The following TTN variants were observed in gnomAD, a reference collection of about 807,000 sequenced individuals.
TTN encodes titin.
A neutral mutation model predicts 3,223.0 loss-of-function variants in TTN; 1,525 were observed. That is an observed-to-expected ratio of 0.47 (90% CI 0.45 to 0.49). TTN has a LOEUF of 0.49. Among genes scored for constraint, TTN ranks in the 20% least tolerant of loss-of-function variants. TTN has a pLI of 0.00. For missense variants in TTN, 40,786 were observed against 43,424.0 expected, an observed-to-expected ratio of 0.94 and a Z score of 5.40; for synonymous variants, 14,094 against 15,161.0, an observed-to-expected ratio of 0.93 and a Z score of 5.17.
intron 37 of TTN, 93 bp downstream of exon 37, chr2:178,769,586 A>G: frequency 8.7e-7 from 1 of 1,148,348 alleles, no homozygotes; most frequent in Non-Finnish European, 1.1e-6. Context: ...TTGAGTGGTC[A>G]GCAAAGTGTA....
rs1372771873 is a variant in TTN at position 178,613,751 on chromosome 2, C to T, written c.49532G>A (p.Arg16511Lys). ...ATCTTGATGGGGATTCTGAGCATAC[C>T]TGTATGTTGTGTCCTTTACTGGCAT... Reference protein sequence around the residue: ...NKMPVKDTTYRVKGLTNKKKY... With the variant: ...NKMPVKDTTYKVKGLTNKKKY... Residue 16511 changes from arginine (R) to lysine (K), a missense_variant and splice_region_variant, in exon 263 of 363, where the codon AGA becomes AAA. By Grantham distance (26) the Arg-to-Lys change is conservative. Coordinates refer to ENST00000589042, the MANE Select transcript of TTN (RefSeq NM_001267550.2). 1 of 1,611,674 alleles carries T rather than the reference C, an allele frequency of 6.2e-7. No homozygotes were observed. The highest frequency in any genetic ancestry group is 1.1e-5 in the South Asian group (1 of 90,888).
chr2:178,553,110 C>G lies in TTN; in HGVS notation c.89790G>C (p.Val29930=). ...EPKSSTVSVK[V]LDTPAACQKL... ...TCTGGCAGGCAGCTGGTGTGTCAAG[C>G]ACTTTAACACTCACAGTTGAAGACT... Residue 29930 remains valine (V), a synonymous_variant, in exon 335 of 363, where the codon GTG becomes GTC. Transcript: ENST00000589042. 6.2e-7 allele frequency: 1 copy of G among 1,610,900 alleles called. No individual in the cohort carries two copies. The highest frequency in any genetic ancestry group is 8.5e-7 in the Non-Finnish European group (1 of 1,177,644).
Position 178,573,984 on chromosome 2 carries a change from C to T in TTN, c.72148G>A (p.Glu24050Lys). Residue 24050 changes from glutamate to lysine, a missense_variant, in exon 326 of 363, where the codon GAA becomes AAA. Physicochemically the swap from Glu to Lys is moderately conservative, Grantham distance 56. Transcript: ENST00000589042. Reference protein sequence around the residue: ...ILKAGEAFRLEADVSGRPPPT... With the variant: ...ILKAGEAFRLKADVSGRPPPT... ...GGTGGGCGGCCTGAAACATCAGCTTCCAGTCTGAATGCTTCACCTGCTTTT... is the reference window on the plus strand; with the variant it reads ...GGTGGGCGGCCTGAAACATCAGCTTTCAGTCTGAATGCTTCACCTGCTTTT... The T allele has an allele frequency of 6.2e-7, 1 of 1,613,396 alleles. No homozygotes were observed. The highest frequency in any genetic ancestry group is 2.2e-5 in the East Asian group (1 of 44,698).
In TTN at chr2:178,647,580, G is replaced by GA. The variant is rs2154246251; in HGVS notation, c.40058-117_40058-116insT. On this transcript the variant is annotated intron_variant, in intron 213 of 362. Coordinates refer to ENST00000589042, the MANE Select transcript of TTN (RefSeq NM_001267550.2). ...TCATCTTAGATTTCATGGGGAAAAT[G>GA]GCTTCTGAGACATGGCACCATTTTG... 4.2e-6 allele frequency: 4 copies of GA among 957,648 alleles called. No individual in the cohort carries two copies. The East Asian group carries it at 1.1e-4, about 25-fold the overall frequency. 59.3% of individuals were successfully genotyped at this position (957,648 alleles called of 1,614,324 possible). A position where few individuals can be genotyped will look rare whatever the true frequency, so the allele number is the denominator to read the frequency against.
rs370438618 is a variant in TTN, at chr2:178,775,034, C to T, written c.6677G>A (p.Arg2226Lys). Reference sequence around the variant, plus strand: ...CAGTATGGAGAGGAAGTGAACCTTTCTGTCAGAGTGCATCCTGTATTTATC... The same window carrying T: ...CAGTATGGAGAGGAAGTGAACCTTTTTGTCAGAGTGCATCCTGTATTTATC... ...EGDKYRMHSD[R>K]KVHFLSILTI... is the part of the protein sequence containing the mutation. Residue 2226 changes from arginine (R) to lysine (K), a missense_variant, in exon 29 of 363, where the codon AGA becomes AAA. Arg to Lys is a conservative substitution (Grantham distance 26, BLOSUM62 2). Coordinates refer to ENST00000589042, the MANE Select transcript of TTN (RefSeq NM_001267550.2). 7.4e-6 allele frequency: 12 copies of T among 1,613,892 alleles called. No homozygotes were observed. Among genetic ancestry groups the T allele is most frequent in the Non-Finnish European group, 9.3e-6 (11 of 1,179,956 alleles).
At chr2:178,743,009 A>G (rs999525911) in intron 47 of TTN, 3 of 152,054 alleles carry the variant, frequency 2.0e-5, no homozygotes, top group African/African-American at 7.2e-5. Flanking sequence ...ACCATTGATA[A>G]TTTTACATAT....
chr2:178,583,220 G>T lies in TTN; in HGVS notation c.65583C>A (p.Pro21861=). ...PVTILAENVP[P]RIDLSVAMKS... is the part of the protein sequence containing the mutation. The stretch of plus-strand genomic sequence containing the variant: ...TCATAGCCACACTCAGGTCTATCCT[G>T]GGAGGGACTGGAAAGAAATAAGATA... The change falls in exon 313 of 363, where the codon CCC becomes CCA. Residue 21861 remains proline (P), a synonymous_variant. Transcript: ENST00000589042. 6.3e-7 allele frequency: 1 copy of T among 1,578,610 alleles called. No homozygotes were observed. The highest frequency in any genetic ancestry group is 1.2e-5 in the South Asian group (1 of 84,858).
In TTN at chr2:178,557,236, C is replaced by A. The variant is rs886924383; in HGVS notation, c.88009+17G>T. On this transcript the variant is annotated intron_variant, in intron 329 of 362. Transcript: ENST00000589042. The stretch of plus-strand genomic sequence containing the variant: ...ATTTTTGTTATCAGAACTGCCCTTC[C>A]CATGACAAATACGTACCACAAGCAT... 4 of 1,613,558 alleles carry A rather than the reference C, an allele frequency of 2.5e-6. No individual in the cohort carries two copies. The African/African-American group carries it at 5.3e-5, about 22-fold the overall frequency.
intron 12 of TTN, among the ~76,000 whole-genome samples, 179 bp from the exon 13 acceptor site, chr2:178,789,676 T>C (rs1324812958): frequency 6.6e-6 from 1 of 152,124 alleles, no homozygotes; most frequent in Non-Finnish European, 1.5e-5. Context: ...AACTTAGAAA[T>C]GTTAGCTATT....
Position 178,713,307 on chromosome 2 carries a change from C to T in TTN, c.26827G>A (p.Val8943Ile), listed in dbSNP as rs529187709. The T allele has an allele frequency of 6.7e-5, 107 of 1,592,976 alleles. 2 individuals carry two copies. In the South Asian group the frequency reaches 9.4e-4, roughly 14 times the overall value. The change falls in exon 93 of 363, where the codon GTT becomes ATT. Residue 8943 changes from valine to isoleucine, a missense_variant. By Grantham distance (29) the Val-to-Ile change is conservative. Coordinates refer to ENST00000589042, the MANE Select transcript of TTN (RefSeq NM_001267550.2). Reference sequence around the variant, plus strand: ...CCATAGACTTTACACTCCATTACAACTGAGGAGCCGGATAGACCATTTGTC... The same window carrying T: ...CCATAGACTTTACACTCCATTACAATTGAGGAGCCGGATAGACCATTTGTC... ...KETNGLSGSS[V>I]VMECKVYGSP...
At position 178,633,267 on chromosome 2, in the gene TTN, C is replaced by T. The variant is rs2060026775; in HGVS notation, c.43006G>A (p.Ala14336Thr). 2.5e-6 allele frequency: 4 copies of T among 1,613,352 alleles called. No individual in the cohort carries two copies. The East Asian group carries it at 8.9e-5, about 36-fold the overall frequency. ...YGVEVFVGET[A>T]HFEIELSEPD... is the part of the protein sequence containing the mutation. Reference sequence around the variant, plus strand: ...TCAGAAAGTTCAATTTCAAAGTGGGCTGTTTCACCAACAAACACCTCTACT... The same window carrying T: ...TCAGAAAGTTCAATTTCAAAGTGGGTTGTTTCACCAACAAACACCTCTACT... The change falls in exon 233 of 363, where the codon GCC (alanine) becomes ACC (threonine). Residue 14336 changes from alanine (A) to threonine (T), a missense_variant. Transcript: ENST00000589042.
In TTN at chr2:178,547,645, G is replaced by T. The variant is rs370894846; in HGVS notation, c.93981C>A (p.Val31327=). The T allele has an allele frequency of 6.2e-7, 1 of 1,613,824 alleles. No homozygotes were observed. The highest frequency in any genetic ancestry group is 8.5e-7 in the Non-Finnish European group (1 of 1,179,814). ...CATCTTTAGGTTCTCCCCATGACAGGACACACGATTCAGCTGAGACAGATG... is the reference window on the plus strand; with the variant it reads ...CATCTTTAGGTTCTCCCCATGACAGTACACACGATTCAGCTGAGACAGATG... ...EVSSVSAESC[V]LSWGEPKDGG... The change falls in exon 339 of 363, where the codon GTC becomes GTA. Residue 31327 remains valine, a synonymous_variant. Transcript: ENST00000589042.
Position 178,727,679 on chromosome 2 carries a change from GAGATT to G in TTN, c.19894_19898del (p.Asn6632LeufsTer7). ...CAGTCTTAGAAGCATCCACTGAGTA[GAGATT>G]TAAGAAGCTAGTCGACCCTTCCAAG... is the stretch of plus-strand genomic sequence containing the variant. On this transcript the variant is annotated frameshift_variant, in exon 68 of 363. Coordinates refer to ENST00000589042, the MANE Select transcript of TTN (RefSeq NM_001267550.2). LOFTEE classifies it high-confidence loss of function. The G allele has an allele frequency of 6.2e-7, 1 of 1,613,206 alleles. No homozygotes were observed. Among genetic ancestry groups the G allele is most frequent in the Non-Finnish European group, 8.5e-7 (1 of 1,179,390 alleles).
At position 178,721,103 on chromosome 2, in the gene TTN, T is replaced by A. The variant is rs1413635050; in HGVS notation, c.22916A>T (p.Lys7639Ile). ...ECKISGSPEIKVSWFRNDSEL... is the reference protein window; with the variant it reads ...ECKISGSPEIIVSWFRNDSEL... ...GCTGTCATTTCGGAACCATGAAACT[T>A]TGATTTCTGGGGAGCCACTTATTTT... Residue 7639 changes from lysine (K) to isoleucine (I), a missense_variant, in exon 79 of 363, where the codon AAA becomes ATA. Physicochemically the swap from Lys to Ile is moderately radical, Grantham distance 102. Transcript: ENST00000589042. 17 of 1,613,246 alleles carry A rather than the reference T, an allele frequency of 1.1e-5. No homozygotes were observed. The highest frequency in any genetic ancestry group is 1.3e-5 in the African/African-American group (1 of 74,914).
At position 178,608,282 on chromosome 2, in the gene TTN, A is replaced by T. The variant is rs1559746821; in HGVS notation, c.52601T>A (p.Leu17534Ter). The T allele has an allele frequency of 6.2e-7, 1 of 1,612,082 alleles. No individual in the cohort carries two copies. The highest frequency in any genetic ancestry group is 1.3e-5 in the African/African-American group (1 of 74,964). ...GAAGACATAGGTGAGTCCTTCTAAT[A>T]AGCCATCTACATTGGCTTTCAAGGC... is the stretch of plus-strand genomic sequence containing the variant. The part of the protein sequence containing the change: ...LNALKANVDG[L>*]LEGLTYVFRV... The change falls in exon 275 of 363, where the codon TTA (leucine) becomes TAA (stop). Residue 17534 changes from leucine (L) to a stop codon, truncating the protein, a stop_gained. Transcript: ENST00000589042. LOFTEE classifies it high-confidence loss of function.
At position 178,561,352 on chromosome 2, in the gene TTN, T is replaced by C. The variant is rs370547473; in HGVS notation, c.84780A>G (p.Glu28260=). The C allele has an allele frequency of 6.2e-7, 1 of 1,613,854 alleles. No individual in the cohort carries two copies. Among genetic ancestry groups the C allele is most frequent in the South Asian group, 1.1e-5 (1 of 91,088 alleles). ...CTGATTTTCTTGTGATATTTGTGAC[T>C]TCAGGTTGTCCAGGAGGGTCACAAG... ...RDPCDPPGQP[E]VTNITRKSVS... is the part of the protein sequence containing the mutation. Residue 28260 remains glutamate, a synonymous_variant, in exon 326 of 363, where the codon GAA becomes GAG. Coordinates refer to ENST00000589042, the MANE Select transcript of TTN (RefSeq NM_001267550.2).
chr2:178,733,212 G>A, intron 54 of TTN, 27 bp downstream of exon 54: 1 of 1,564,668 alleles, frequency 6.4e-7, no homozygotes, highest in East Asian at 2.2e-5. Context: ...AAATGCATAT[G>A]TAGCATCATT....
In TTN at chr2:178,756,620, C is replaced by A. The variant is rs1233184237; in HGVS notation, c.10856G>T (p.Ser3619Ile). 1 of 1,613,546 alleles carries A rather than the reference C, an allele frequency of 6.2e-7. No individual in the cohort carries two copies. Among genetic ancestry groups the A allele is most frequent in the Non-Finnish European group, 8.5e-7 (1 of 1,179,714 alleles). Reference protein sequence around the residue: ...EVQVFESVSQSSIHTAASVQD... With the variant: ...EVQVFESVSQISIHTAASVQD... ...AACAGATGCAGCTGTGTGGATGGAA[C>A]TTTGAGATACACTTTCAAAAACCTG... Residue 3619 changes from serine (S) to isoleucine (I), a missense_variant, in exon 46 of 363, where the codon AGT becomes ATT. Physicochemically the swap from Ser to Ile is moderately radical, Grantham distance 142. Transcript: ENST00000589042.
intron 282 of TTN, 141 bp downstream of exon 282, chr2:178,603,735 A>G (rs1281862857): frequency 1.3e-6 from 1 of 770,070 alleles, no homozygotes; most frequent in East Asian, 2.8e-5. Flanking sequence ...TACTTCCGAT[A>G]GTCTATGTGA....
Sources: gnomAD v4.1 joint callset for allele counts (sites outside exome capture counted in the v4.1 genomes callset) on GRCh38, gnomAD v4.1.1 for gene constraint, MANE v1.5 for transcripts, NCBI Gene and HGNC (gene_info 2026-07-23, HGNC 2026-07-21) for gene names.